The following PPP6R3 variants were observed in gnomAD, a reference collection of about 807,000 sequenced individuals.
PPP6R3 encodes serine/threonine-protein phosphatase 6 regulatory subunit 3.
In PPP6R3, 38 loss-of-function variants were observed where a neutral mutation model predicts 110.7. That is an observed-to-expected ratio of 0.34 (90% CI 0.26 to 0.45). The LOEUF is 0.45. PPP6R3 is among the 20% of genes least tolerant of loss of function. The pLI, the probability that PPP6R3 is intolerant of heterozygous loss-of-function variation, is 1.00. For synonymous variants in PPP6R3, 369 were observed against 373.5 expected, an observed-to-expected ratio of 0.99 and a Z score of 0.14; for missense variants, 870 against 1,062.4, an observed-to-expected ratio of 0.82 and a Z score of 2.52.
chr11:68,609,116 C>G (rs753294690), intron 22 of PPP6R3, among the ~76,000 whole-genome samples: 10 of 152,204 alleles, frequency 6.6e-5, no homozygotes, highest in Non-Finnish European at 1.2e-4. Context: ...GAATCCCAGA[C>G]TGAATAGGCA....
In PPP6R3 at chr11:68,613,627, T is replaced by C. The variant is rs1944536456; in HGVS notation, c.*510T>C. ...CCTCTAAGTGTTATTTTGGTTGTTC[T>C]AACTTACAAAAGTGATTTTGAATAA... On this transcript the variant is annotated 3_prime_UTR_variant, in exon 24 of 24. Coordinates refer to ENST00000393800, the MANE Select transcript of PPP6R3 (RefSeq NM_001164161.2). 1 of 985,738 alleles carries C rather than the reference T, an allele frequency of 1.0e-6. No homozygotes were observed. Among genetic ancestry groups the C allele is most frequent in the Non-Finnish European group, 1.2e-6 (1 of 829,968 alleles). The allele number at this position is 985,738 out of a possible 1,614,324, so 61.1% of individuals were successfully genotyped here.
intron 1 of PPP6R3, among the ~76,000 whole-genome samples, chr11:68,511,700 T>C (rs2099111148): frequency 6.7e-6 from 1 of 148,244 alleles, no homozygotes; most frequent in South Asian, 2.2e-4. Context: ...AGGCTGGTCT[T>C]AAACTCCTGA....
chr11:68,574,550 T>TGCTA (rs2099522974), intron 13 of PPP6R3, among the ~76,000 whole-genome samples: 1 of 152,232 alleles, frequency 6.6e-6, no homozygotes, highest in Non-Finnish European at 1.5e-5. Context: ...AGTACTCATA[T>TGCTA]GCTAGCAGTT....
chr11:68,552,208 G>C (rs931307533), intron 6 of PPP6R3, among the ~76,000 whole-genome samples: 1 of 152,178 alleles, frequency 6.6e-6, no homozygotes, highest in Admixed American at 6.5e-5. Flanking sequence ...CAAAGGAGTT[G>C]GTTTAAGGGC....
intron 2 of PPP6R3, among the ~76,000 whole-genome samples, chr11:68,528,437 G>GC (rs1027928310): frequency 3.6e-5 from 5 of 140,092 alleles, no homozygotes; most frequent in African/African-American, 5.4e-5. Flanking sequence ...TGTGTGTGGG[G>GC]GGGGGGGCTG....
intron 1 of PPP6R3, among the ~76,000 whole-genome samples, chr11:68,484,039 A>G (rs1321792469): frequency 6.6e-6 from 1 of 152,162 alleles, no homozygotes; most frequent in Non-Finnish European, 1.5e-5. Context: ...ATGTCTTTTC[A>G]TGGCTTGATA....
rs761473539 is a variant in PPP6R3 at position 68,554,236 on chromosome 11, C to A, written c.710C>A (p.Pro237His). ...ATTCAGAACAGTACAGAGCCCGACC[C>A]CCTGCTTGCCACTCTAGAAAAGTAT... Reference protein sequence around the residue: ...LQIQNSTEPDPLLATLEKQEI... With the variant: ...LQIQNSTEPDHLLATLEKQEI... The change falls in exon 7 of 24, where the codon CCC becomes CAC. Residue 237 changes from proline to histidine, a missense_variant. Transcript: ENST00000393800. The A allele has an allele frequency of 6.2e-7, 1 of 1,612,058 alleles. No individual in the cohort carries two copies. The highest frequency in any genetic ancestry group is 8.5e-7 in the Non-Finnish European group (1 of 1,178,802).
At chr11:68,537,235 G>A (rs1453929868) in intron 2 of PPP6R3, among the ~76,000 whole-genome samples, 3 of 152,110 alleles carry the variant, frequency 2.0e-5, no homozygotes, top group African/African-American at 7.2e-5. Flanking sequence ...GTACTGGTTT[G>A]CAGTGATCAT....
At chr11:68,583,299 AT>A (rs2099568492) in intron 15 of PPP6R3, among the ~76,000 whole-genome samples, 170 bp downstream of exon 15, 1 of 152,206 alleles carries the variant, frequency 6.6e-6, no homozygotes, top group African/African-American at 2.4e-5. Context: ...TGAAAGATAG[AT>A]TTGTATTGGT....
At chr11:68,490,042 G>C (rs1012419804) in intron 1 of PPP6R3, among the ~76,000 whole-genome samples, 1 of 151,840 alleles carries the variant, frequency 6.6e-6, no homozygotes, top group Admixed American at 6.6e-5. Flanking sequence ...AATTTTTTTT[G>C]AATCTTCACT....
At chr11:68,603,243 G>A in intron 21 of PPP6R3, 99 bp from the exon 22 acceptor site, 1 of 1,444,776 alleles carries the variant, frequency 6.9e-7, no homozygotes, top group East Asian at 2.3e-5. Context: ...TTTTCTTCAA[G>A]CAGTAGATGT....
At chr11:68,552,618 AG>A (rs928183358) in intron 6 of PPP6R3, among the ~76,000 whole-genome samples, 1 of 152,150 alleles carries the variant, frequency 6.6e-6, no homozygotes, top group Non-Finnish European at 1.5e-5. Flanking sequence ...TCCTGTGGGC[AG>A]GGGAGTGTGG....
At chr11:68,473,064 C>T (rs2098803641) in intron 1 of PPP6R3, among the ~76,000 whole-genome samples, 1 of 152,132 alleles carries the variant, frequency 6.6e-6, no homozygotes, top group Admixed American at 6.5e-5. Context: ...GGGCATACAG[C>T]TCCTAAAATC....
chr11:68,600,501 G>A lies in PPP6R3; in HGVS notation c.2192+7G>A, dbSNP rs372829620. Reference sequence around the variant, plus strand: ...AGTTCACGTCTTCCCTGAGGTGAGCGAACATGTGCTGTCTCTACACCCTTC... The same window carrying A: ...AGTTCACGTCTTCCCTGAGGTGAGCAAACATGTGCTGTCTCTACACCCTTC... On this transcript the variant is annotated splice_region_variant and intron_variant, in intron 20 of 23. Transcript: ENST00000393800. The A allele has an allele frequency of 9.7e-5, 157 of 1,611,756 alleles. 1 individual carries two copies. The highest frequency in any genetic ancestry group is 1.2e-4 in the Non-Finnish European group (145 of 1,179,348).
At chr11:68,464,213 A>G (rs1199767222) in intron 1 of PPP6R3, among the ~76,000 whole-genome samples, 2 of 152,040 alleles carry the variant, frequency 1.3e-5, no homozygotes, top group Admixed American at 6.5e-5. Context: ...GCTCACTGCA[A>G]CCTCTGCCTC....
chr11:68,590,815 G>C (rs1380985488), intron 17 of PPP6R3, 101 bp downstream of exon 17: 137 of 1,309,778 alleles, frequency 1.0e-4, no homozygotes, highest in Admixed American at 8.0e-5. Flanking sequence ...GTGCTCTAGA[G>C]CCCTAATCCT....
chr11:68,582,084 A>G (rs1246216434), intron 14 of PPP6R3, among the ~76,000 whole-genome samples: 1 of 152,242 alleles, frequency 6.6e-6, no homozygotes, highest in Non-Finnish European at 1.5e-5. Flanking sequence ...AGACCAGGCC[A>G]GTTAGGTACA....
intron 7 of PPP6R3, among the ~76,000 whole-genome samples, chr11:68,555,522 T>G (rs866716381): frequency 6.6e-6 from 1 of 152,224 alleles, no homozygotes; most frequent in Non-Finnish European, 1.5e-5. Context: ...CCACATGTAG[T>G]GAATGGCTCC....
chr11:68,484,869 G>T (rs1417635157), intron 1 of PPP6R3, among the ~76,000 whole-genome samples: 1 of 152,146 alleles, frequency 6.6e-6, no homozygotes, highest in Non-Finnish European at 1.5e-5. Context: ...TTACAGGCAT[G>T]AGCCACAGCG....
Sources: gnomAD v4.1 joint callset for allele counts (sites outside exome capture counted in the v4.1 genomes callset) on GRCh38, gnomAD v4.1.1 for gene constraint, MANE v1.5 for transcripts, NCBI Gene and HGNC (gene_info 2026-07-23, HGNC 2026-07-21) for gene names.